CYB5B: variants seen among roughly 807,000 people sequenced by gnomAD.
CYB5B encodes the protein cytochrome b5 type B (outer mitochondrial membrane).
CYB5B carries 14 observed loss-of-function variants against 21.3 expected under a neutral mutation model. That is an observed-to-expected ratio of 0.66 (90% CI 0.43 to 1.03). The LOEUF is 1.03. Among genes scored for constraint, CYB5B ranks in the 50% least tolerant of loss-of-function variants. The pLI, the probability that CYB5B is intolerant of heterozygous loss-of-function variation, is 0.00. For missense variants in CYB5B, 166 were observed against 185.1 expected, an observed-to-expected ratio of 0.90 and a Z score of 0.60; for synonymous variants, 69 against 68.4, an observed-to-expected ratio of 1.01 and a Z score of -0.04.
intron 3 of CYB5B, among the ~76,000 whole-genome samples, chr16:69,452,300 C>T (rs868522067): frequency 5.5e-5 from 6 of 109,478 alleles, no homozygotes; most frequent in South Asian, 3.3e-4. Flanking sequence ...GGCGACAGAG[C>T]GAGACTCCGC....
Position 69,465,592 on chromosome 16 carries a change from G to C in CYB5B, c.*3072G>C, listed in dbSNP as rs111281462. 6.6e-6 allele frequency: 1 copy of C among 152,126 alleles called. No individual in the cohort carries two copies. Among genetic ancestry groups the C allele is most frequent in the African/African-American group, 2.4e-5 (1 of 41,432 alleles). 9.4% of individuals were successfully genotyped at this position (152,126 alleles called of 1,614,324 possible). On this transcript the variant is annotated 3_prime_UTR_variant, in exon 5 of 5. Coordinates refer to ENST00000307892, the MANE Select transcript of CYB5B (RefSeq NM_030579.3). Reference sequence around the variant, plus strand: ...TATGTTGTGAAATCAGAACACTGTCGAGTTTATACTCATTTAGCTGCAATG... The same window carrying C: ...TATGTTGTGAAATCAGAACACTGTCCAGTTTATACTCATTTAGCTGCAATG...
intron 1 of CYB5B, among the ~76,000 whole-genome samples, chr16:69,439,258 A>C (rs1294066678): frequency 6.6e-6 from 1 of 152,098 alleles, no homozygotes; most frequent in East Asian, 1.9e-4. Flanking sequence ...CCTTGTGAAA[A>C]ATCAAATGGG....
intron 3 of CYB5B, among the ~76,000 whole-genome samples, chr16:69,458,517 T>C (rs2015003135): frequency 6.6e-6 from 1 of 152,196 alleles, no homozygotes; most frequent in Non-Finnish European, 1.5e-5. Context: ...GATTATTTTA[T>C]CATTTTCTTT....
chr16:69,448,360 A>C, intron 3 of CYB5B: 1 of 570,402 alleles, frequency 1.8e-6, no homozygotes, highest in East Asian at 3.1e-5. Flanking sequence ...ATGCCTTTAT[A>C]CGCTTTTTTT....
chr16:69,451,311 C>T (rs187795114), intron 3 of CYB5B, among the ~76,000 whole-genome samples: 3 of 152,244 alleles, frequency 2.0e-5, no homozygotes, highest in Admixed American at 2.0e-4. Flanking sequence ...GCCAGTTTGC[C>T]TGCCTGCTTG....
In CYB5B at chr16:69,462,508, C is replaced by T; in HGVS notation, c.441C>T (p.Ser147=). Residue 147 remains serine, a synonymous_variant, in exon 5 of 5, where the codon AGC becomes AGT. Transcript: ENST00000307892. ...GFLYRYYTSE[S]KSS Reference sequence around the variant, plus strand: ...TGTACCGCTACTACACATCGGAAAGCAAATCCTCCTGAGGAGGCCTTGCTG... The same window carrying T: ...TGTACCGCTACTACACATCGGAAAGTAAATCCTCCTGAGGAGGCCTTGCTG... 1 of 1,613,936 alleles carries T rather than the reference C, an allele frequency of 6.2e-7. No individual in the cohort carries two copies. The highest frequency in any genetic ancestry group is 8.5e-7 in the Non-Finnish European group (1 of 1,179,868).
rs2015078582 is a variant in CYB5B at position 69,465,322 on chromosome 16, G to C, written c.*2802G>C. 1 of 152,216 alleles carries C rather than the reference G, an allele frequency of 6.6e-6. No individual in the cohort carries two copies. The highest frequency in any genetic ancestry group is 6.5e-5 in the Admixed American group (1 of 15,270). The allele number at this position is 152,216 out of a possible 1,614,324, so 9.4% of individuals were successfully genotyped here. On this transcript the variant is annotated 3_prime_UTR_variant, in exon 5 of 5. Transcript: ENST00000307892. Reference sequence around the variant, plus strand: ...GTGTTGGTACCACTGCCCCTGGCCTGAGAGCCAGGGTTTAAACCTGCCTCA... The same window carrying C: ...GTGTTGGTACCACTGCCCCTGGCCTCAGAGCCAGGGTTTAAACCTGCCTCA...
At chr16:69,425,355 G>GTT (rs34105556) in intron 1 of CYB5B, among the ~76,000 whole-genome samples, 2,802 of 135,016 alleles carry the variant, frequency 0.021, 96 homozygotes, top group African/African-American at 0.082. Context: ...TGCCTCCACT[G>GTT]TTTTTTTTTC....
Position 69,424,677 on chromosome 16 carries a change from A to T in CYB5B, c.-7A>T, listed in dbSNP as rs2014622367. 1 of 1,542,444 alleles carries T rather than the reference A, an allele frequency of 6.5e-7. No individual in the cohort carries two copies. Among genetic ancestry groups the T allele is most frequent in the Admixed American group, 2.0e-5 (1 of 48,922 alleles). Reference sequence around the variant, plus strand: ...CGCGGAATCTCAGTTAGCGGTGGAGAGGCAGTATGTCCGGTTCAATGGCGA... The same window carrying T: ...CGCGGAATCTCAGTTAGCGGTGGAGTGGCAGTATGTCCGGTTCAATGGCGA... On this transcript the variant is annotated 5_prime_UTR_variant, in exon 1 of 5. Coordinates refer to ENST00000307892, the MANE Select transcript of CYB5B (RefSeq NM_030579.3).
intron 3 of CYB5B, among the ~76,000 whole-genome samples, chr16:69,455,243 C>T (rs1170073501): frequency 6.6e-6 from 1 of 152,076 alleles, no homozygotes; most frequent in Non-Finnish European, 1.5e-5. Context: ...TCATTCTTTC[C>T]TACATTTATG....
intron 1 of CYB5B, among the ~76,000 whole-genome samples, chr16:69,426,969 G>A (rs1302490316): frequency 1.3e-5 from 2 of 152,200 alleles, no homozygotes; most frequent in African/African-American, 4.8e-5. Context: ...GCTGGGCGCA[G>A]TGACTCATGC....
intron 1 of CYB5B, among the ~76,000 whole-genome samples, chr16:69,432,709 A>G (rs2014718687): frequency 6.6e-6 from 1 of 152,196 alleles, no homozygotes; most frequent in African/African-American, 2.4e-5. Flanking sequence ...AGAGGTGAGA[A>G]AACAGGAGCA....
Position 69,463,605 on chromosome 16 carries a change from C to G in CYB5B, c.*1085C>G, listed in dbSNP as rs900373754. ...TTTGTTGATTAGCAAATTTTTGATT[C>G]TCCATTTTCCAAAAGTAAGAGACTC... On this transcript the variant is annotated 3_prime_UTR_variant, in exon 5 of 5. Coordinates refer to ENST00000307892, the MANE Select transcript of CYB5B (RefSeq NM_030579.3). 2 of 152,092 alleles carry G rather than the reference C, an allele frequency of 1.3e-5. No homozygotes were observed. The highest frequency in any genetic ancestry group is 4.8e-5 in the African/African-American group (2 of 41,398). The allele number at this position is 152,092 out of a possible 1,614,324, so 9.4% of individuals were successfully genotyped here. A position where few individuals can be genotyped will look rare whatever the true frequency, so the allele number is the denominator to read the frequency against.
chr16:69,425,514 T>C (rs1330634739), intron 1 of CYB5B, among the ~76,000 whole-genome samples: 2 of 152,242 alleles, frequency 1.3e-5, no homozygotes, highest in Admixed American at 6.5e-5. Context: ...TTTTAAAAAT[T>C]ATTTTTGAGA....
rs973821206 is a variant in CYB5B at position 69,462,763 on chromosome 16, A to G, written c.*243A>G. ...ACAATTGCCGGTGTTTCCTCTCTTC[A>G]CTGGTTTCCATGAGTACCCTTATAT... is the stretch of plus-strand genomic sequence containing the variant. On this transcript the variant is annotated 3_prime_UTR_variant, in exon 5 of 5. Transcript: ENST00000307892. 29 of 464,588 alleles carry G rather than the reference A, an allele frequency of 6.2e-5. No individual in the cohort carries two copies. In the East Asian group the frequency reaches 8.3e-4, roughly 13 times the overall value. The allele number at this position is 464,588 out of a possible 1,614,324, so 28.8% of individuals were successfully genotyped here.
At position 69,425,412 on chromosome 16, in the gene CYB5B, C is replaced by G. The variant is rs929144538; in HGVS notation, c.174+555C>G. The stretch of plus-strand genomic sequence containing the variant: ...GAGGCCAGAAACTCATAAATCAACC[C>G]TTTTTTTTTGTTTTTGACTCATGTT... On this transcript the variant is annotated intron_variant, in intron 1 of 4. Transcript: ENST00000307892. Among the ~76,000 whole-genome samples, 14 of 151,068 alleles carry G rather than the reference C, an allele frequency of 9.3e-5. No individual in the cohort carries two copies. The East Asian group carries it at 1.9e-3, about 21-fold the overall frequency.
chr16:69,455,702 C>A (rs752954759), intron 3 of CYB5B, among the ~76,000 whole-genome samples: 1 of 152,050 alleles, frequency 6.6e-6, no homozygotes, highest in Non-Finnish European at 1.5e-5. Flanking sequence ...CATGAGCCAC[C>A]GCGACTGGCC....
At position 69,430,975 on chromosome 16, in the gene CYB5B, AT is replaced by A. The variant is rs111885850; in HGVS notation, c.174+6122del. On this transcript the variant is annotated intron_variant, in intron 1 of 4. Coordinates refer to ENST00000307892, the MANE Select transcript of CYB5B (RefSeq NM_030579.3). ...GGTGTGAGCCACCATGCCCAGCCCT[AT>A]TTTAAAGCTTTATATGTGTATTTAT... is the stretch of plus-strand genomic sequence containing the variant. Among the ~76,000 whole-genome samples the A allele has an allele frequency of 1.0e-2, 1,506 of 150,784 alleles. 30 individuals carry two copies. The highest frequency in any genetic ancestry group is 0.034 in the African/African-American group (1,379 of 41,054).
At chr16:69,446,756 G>A (rs2014882102) in intron 1 of CYB5B, among the ~76,000 whole-genome samples, 1 of 152,156 alleles carries the variant, frequency 6.6e-6, no homozygotes. Context: ...ATTGGCAAAA[G>A]GAACCAACCT....
Sources: allele counts gnomAD v4.1 joint callset (sites outside exome capture counted in the v4.1 genomes callset), GRCh38; gene constraint gnomAD v4.1.1; transcripts MANE v1.5; gene names NCBI Gene and HGNC (gene_info 2026-07-23, HGNC 2026-07-21).